ATP10B: variants seen among roughly 807,000 people sequenced by gnomAD.
ATP10B encodes the protein ATPase phospholipid transporting 10B (putative).
In ATP10B, 122 loss-of-function variants were observed where a neutral mutation model predicts 141.2. That is an observed-to-expected ratio of 0.86 (90% CI 0.75 to 1.00). The LOEUF (loss-of-function observed/expected upper bound fraction) is 1.00. Ranked by LOEUF, ATP10B falls within the 50% of genes least tolerant of loss-of-function variation. The probability of loss-of-function intolerance (pLI) is 0.00; values close to 1 mark genes in which losing one functional copy is unlikely to be tolerated. For missense variants in ATP10B, 1,876 were observed against 1,825.3 expected, an observed-to-expected ratio of 1.03 and a Z score of -0.51; for synonymous variants, 685 against 692.0, an observed-to-expected ratio of 0.99 and a Z score of 0.16.
At chr5:160,792,363 C>G (rs1307113400) in intron 1 of ATP10B, among the ~76,000 whole-genome samples, 1 of 152,158 alleles carries the variant, frequency 6.6e-6, no homozygotes, top group African/African-American at 2.4e-5. Flanking sequence ...AATAAACCCT[C>G]TTCCTGGATC....
intron 24 of ATP10B, among the ~76,000 whole-genome samples, chr5:160,572,486 A>T (rs77589484): frequency 0.014 from 2,069 of 152,266 alleles, 43 homozygotes; most frequent in African/African-American, 0.048. Context: ...GTAACTATTG[A>T]GGGTACCTAG....
chr5:160,816,625 A>G (rs910802651), intron 1 of ATP10B, among the ~76,000 whole-genome samples: 2 of 152,206 alleles, frequency 1.3e-5, no homozygotes, highest in African/African-American at 4.8e-5. Flanking sequence ...CAACAGAAAA[A>G]GAGGGAATCC....
At chr5:160,879,718 G>T in the ATP10B span, among the ~76,000 whole-genome samples, 1 of 151,898 alleles carries the variant, frequency 6.6e-6, no homozygotes, top group Admixed American at 6.6e-5. Flanking sequence ...GGCGCCTGTA[G>T]TCCCAGCTAC....
rs1338032971 is a variant in ATP10B at position 160,632,147 on chromosome 5, C to T, written c.1602G>A (p.Val534=). 2.5e-6 allele frequency: 4 copies of T among 1,613,796 alleles called. No individual in the cohort carries two copies. Among genetic ancestry groups the T allele is most frequent in the Admixed American group, 1.7e-5 (1 of 60,020 alleles). The change falls in exon 13 of 26, where the codon GTG becomes GTA. Residue 534 remains valine, a synonymous_variant. Coordinates refer to ENST00000327245, the MANE Select transcript of ATP10B (RefSeq NM_025153.3). ...GACTTACTATGGAGCTGCTGAAGGC[C>T]ACAGGAGGCTGTGAGCTTTCACGGT... ...MGHRESSQPP[V]AFSSSIEKDV...
At chr5:160,702,017 A>G (rs1250392911) in intron 3 of ATP10B, among the ~76,000 whole-genome samples, 2 of 150,102 alleles carry the variant, frequency 1.3e-5, no homozygotes, top group Non-Finnish European at 1.5e-5. Context: ...GTACTTTATG[A>G]GGTCAGTTGC....
At chr5:160,621,262 T>C (rs1042188167) in intron 14 of ATP10B, among the ~76,000 whole-genome samples, 3 of 152,194 alleles carry the variant, frequency 2.0e-5, no homozygotes, top group African/African-American at 7.2e-5. Flanking sequence ...TCCCAATAAT[T>C]CTGTGGGATG....
At chr5:160,853,252 G>T (rs997575419), upstream of ATP10B, among the ~76,000 whole-genome samples, 16 of 152,170 alleles carry the variant, frequency 1.1e-4, no homozygotes, top group Admixed American at 2.0e-4. Context: ...AGAGAAGAAT[G>T]CTTAAGTCCC....
At chr5:160,752,934 T>G (rs534503902) in intron 2 of ATP10B, among the ~76,000 whole-genome samples, 2 of 152,348 alleles carry the variant, frequency 1.3e-5, no homozygotes, top group South Asian at 4.1e-4. Context: ...TTTTTTAACC[T>G]ACACCCATCA....
the ATP10B span, among the ~76,000 whole-genome samples, chr5:160,882,895 C>A: frequency 1.3e-5 from 2 of 151,972 alleles, no homozygotes; most frequent in Admixed American, 6.5e-5. Context: ...AATTCTAAAA[C>A]CTAGGGAAAT....
intron 7 of ATP10B, among the ~76,000 whole-genome samples, chr5:160,662,732 A>G (rs1292153149): frequency 6.6e-6 from 1 of 152,242 alleles, no homozygotes; most frequent in South Asian, 2.1e-4. Flanking sequence ...GGACATAGGC[A>G]TGGGCAAGGA....
intron 1 of ATP10B, among the ~76,000 whole-genome samples, chr5:160,791,338 A>G (rs2127908712): frequency 6.6e-6 from 1 of 152,246 alleles, no homozygotes; most frequent in South Asian, 2.1e-4. Context: ...TATTGGTTGA[A>G]TCTCTATTCA....
intron 15 of ATP10B, among the ~76,000 whole-genome samples, chr5:160,619,941 G>A (rs1581211183): frequency 6.6e-6 from 1 of 152,214 alleles, no homozygotes; most frequent in African/African-American, 2.4e-5. Flanking sequence ...GTTACCTCTT[G>A]TAAGTCACTT....
the ATP10B span, among the ~76,000 whole-genome samples, chr5:160,873,659 G>C: frequency 6.6e-6 from 1 of 152,188 alleles, no homozygotes; most frequent in South Asian, 2.1e-4. Flanking sequence ...GACAGTGGAC[G>C]CAGGTCAGTG....
At chr5:160,861,549 T>G in the ATP10B span, among the ~76,000 whole-genome samples, 1 of 151,932 alleles carries the variant, frequency 6.6e-6, no homozygotes, top group African/African-American at 2.4e-5. Context: ...TTCAAATCAA[T>G]GCATGAGGAG....
intron 2 of ATP10B, among the ~76,000 whole-genome samples, chr5:160,759,894 T>A (rs1768902217): frequency 6.6e-6 from 1 of 152,246 alleles, no homozygotes; most frequent in Non-Finnish European, 1.5e-5. Context: ...CCACTCTGGC[T>A]GTGCTCCAGA....
At chr5:160,912,812 T>C in the ATP10B span, among the ~76,000 whole-genome samples, 1 of 152,242 alleles carries the variant, frequency 6.6e-6, no homozygotes, top group Non-Finnish European at 1.5e-5. Flanking sequence ...GCTGTCTATC[T>C]GGCATGCCAC....
the ATP10B span, among the ~76,000 whole-genome samples, chr5:160,903,563 C>T: frequency 2.0e-5 from 3 of 152,176 alleles, no homozygotes; most frequent in Middle Eastern, 3.2e-3. Flanking sequence ...TGCCAACTAC[C>T]TAACAATTTG....
At chr5:160,745,832 G>C (rs1047222700) in intron 2 of ATP10B, among the ~76,000 whole-genome samples, 2 of 152,212 alleles carry the variant, frequency 1.3e-5, no homozygotes, top group Non-Finnish European at 2.9e-5. Flanking sequence ...ATGACCAAAG[G>C]TTGTGAAATA....
intron 22 of ATP10B, among the ~76,000 whole-genome samples, chr5:160,592,948 A>T (rs1439853603): frequency 6.6e-6 from 1 of 152,240 alleles, no homozygotes; most frequent in Non-Finnish European, 1.5e-5. Context: ...CAGCTCAAGG[A>T]GGCCTGCCTG....
Sources: allele counts gnomAD v4.1 joint callset (sites outside exome capture counted in the v4.1 genomes callset), GRCh38; gene constraint gnomAD v4.1.1; transcripts MANE v1.5; gene names NCBI Gene and HGNC (gene_info 2026-07-23, HGNC 2026-07-21).